The following RUBCN variants were observed in gnomAD, a reference collection of about 807,000 sequenced individuals.
The protein encoded by RUBCN is rubicon autophagy regulator.
In RUBCN, 74 loss-of-function variants were observed where a neutral mutation model predicts 113.2. The ratio of observed to expected loss-of-function variants is 0.65; its 90% CI spans 0.54 to 0.79. The LOEUF (loss-of-function observed/expected upper bound fraction) is 0.79. RUBCN is among the 30% of genes least tolerant of loss of function. RUBCN has a pLI of 0.00. For missense variants in RUBCN, 1,109 were observed against 1,251.7 expected (o/e 0.89, Z 1.72); for synonymous variants, 480 against 490.0 (o/e 0.98, Z 0.27).
upstream of RUBCN, among the ~76,000 whole-genome samples, chr3:197,739,917 G>A (rs942402407): frequency 2.6e-5 from 4 of 152,180 alleles, no homozygotes; most frequent in African/African-American, 9.7e-5. Context: ...GCACACGCCT[G>A]TAATCCCAGC....
intron 8 of RUBCN, 80 bp downstream of exon 8, chr3:197,696,874 C>A (rs549763885): frequency 7.4e-6 from 6 of 810,452 alleles, no homozygotes; most frequent in Non-Finnish European, 1.1e-5. Context: ...TGAGATGAAC[C>A]CCAAAACTCA....
Position 197,674,877 on chromosome 3 carries a change from C to CTCGGTG in RUBCN, c.*140_*141insCACCGA. The CTCGGTG allele has an allele frequency of 1.5e-6, 1 of 647,232 alleles. No homozygotes were observed. Among genetic ancestry groups the CTCGGTG allele is most frequent in the Non-Finnish European group, 2.3e-6 (1 of 429,778 alleles). 40.1% of individuals were successfully genotyped at this position (647,232 alleles called of 1,614,324 possible). A position where few individuals can be genotyped will look rare whatever the true frequency, so the allele number is the denominator to read the frequency against. On this transcript the variant is annotated 3_prime_UTR_variant, in exon 20 of 20. Coordinates refer to ENST00000296343, the MANE Select transcript of RUBCN (RefSeq NM_014687.4). ...GACTGCACACAGACGTCAGACAAGT[C>CTCGGTG]AGTAAAAAAAAAAAAAAAGATGATG...
At chr3:197,676,504 G>A (rs1327424955) in intron 18 of RUBCN, 4 of 723,278 alleles carry the variant, frequency 5.5e-6, no homozygotes, top group Non-Finnish European at 5.5e-6. Context: ...GTAGAGATGG[G>A]GTTTCATCAT....
intron 2 of RUBCN, among the ~76,000 whole-genome samples, chr3:197,713,509 G>T (rs1725179910): frequency 6.6e-6 from 1 of 152,162 alleles, no homozygotes; most frequent in Non-Finnish European, 1.5e-5. Context: ...GACTGAGCAG[G>T]TCAATGCCAC....
upstream of RUBCN, among the ~76,000 whole-genome samples, chr3:197,739,398 GAA>G (rs67135851): frequency 7.0e-4 from 95 of 136,302 alleles, no homozygotes; most frequent in East Asian, 1.6e-3. Flanking sequence ...TCTGAAAAAA[GAA>G]AAAAAAAAAA....
intron 5 of RUBCN, 114 bp downstream of exon 5, chr3:197,703,433 TG>T: frequency 6.5e-5 from 11 of 168,262 alleles, no homozygotes; most frequent in East Asian, 3.0e-4. Context: ...AAAAAAAAAA[TG>T]CAAGCCTTTC....
intron 16 of RUBCN, among the ~76,000 whole-genome samples, chr3:197,678,871 AACTG>A (rs1720817575): frequency 3.9e-5 from 5 of 128,154 alleles, no homozygotes; most frequent in Admixed American, 1.5e-4. Flanking sequence ...CCTACGCTCT[AACTG>A]ACAACTGGCT....
Position 197,672,331 on chromosome 3 carries a change from T to G in RUBCN, c.*2687A>C, listed in dbSNP as rs530038039. 2 of 152,324 alleles carry G rather than the reference T, an allele frequency of 1.3e-5. No homozygotes were observed. The highest frequency in any genetic ancestry group is 2.9e-5 in the Non-Finnish European group (2 of 68,028). The allele number at this position is 152,324 out of a possible 1,614,324, so 9.4% of individuals were successfully genotyped here. ...TTCATTTAGAAGGAATTCTCTTCAG[T>G]GCATTCAAAGCTTCTCCCCGCAACA... is the stretch of plus-strand genomic sequence containing the variant. On this transcript the variant is annotated 3_prime_UTR_variant, in exon 20 of 20. Transcript: ENST00000296343.
chr3:197,724,936 T>C lies in RUBCN; in HGVS notation c.66-6806A>G, dbSNP rs192169580. 4.8e-3 allele frequency among the ~76,000 whole-genome samples: 734 copies of C among 152,160 alleles called. 7 individuals are homozygous for C. The highest frequency in any genetic ancestry group is 0.017 in the African/African-American group (698 of 41,506). ...GGCTCACGCCTGTAACCCCAGCACTTTGGGAGGCTGAGGCAGGTGCATTGC... is the reference window on the plus strand; with the variant it reads ...GGCTCACGCCTGTAACCCCAGCACTCTGGGAGGCTGAGGCAGGTGCATTGC... On this transcript the variant is annotated intron_variant, in intron 1 of 19. Coordinates refer to ENST00000296343, the MANE Select transcript of RUBCN (RefSeq NM_014687.4).
At chr3:197,714,328 G>A (rs894903260) in intron 2 of RUBCN, among the ~76,000 whole-genome samples, 16 of 152,106 alleles carry the variant, frequency 1.1e-4, no homozygotes, top group Non-Finnish European at 1.8e-4. Context: ...GCTTTTTGCT[G>A]TTTTGGGTTT....
At chr3:197,699,174 C>G (rs2108898275) in intron 7 of RUBCN, 2 of 1,541,662 alleles carry the variant, frequency 1.3e-6, no homozygotes, top group East Asian at 2.4e-5. Context: ...AGGTGGAGGA[C>G]CGATTCCCAA....
upstream of RUBCN, chr3:197,737,023 G>T (rs926145576): frequency 1.0e-5 from 10 of 986,532 alleles, no homozygotes; most frequent in Non-Finnish European, 8.9e-6. Flanking sequence ...TCCAACGGCA[G>T]GCCGCTCCCG....
chr3:197,731,182 G>C (rs1290405344), intron 1 of RUBCN, among the ~76,000 whole-genome samples: 1 of 151,750 alleles, frequency 6.6e-6, no homozygotes, highest in African/African-American at 2.4e-5. Flanking sequence ...TGAGATTAGG[G>C]AGTGGTGATG....
At chr3:197,717,402 C>G (rs539103292) in intron 2 of RUBCN, among the ~76,000 whole-genome samples, 1 of 147,992 alleles carries the variant, frequency 6.8e-6, no homozygotes, top group Non-Finnish European at 1.5e-5. Flanking sequence ...CAAGATCGCA[C>G]CACCGCACTC....
chr3:197,723,429 G>T lies in RUBCN; in HGVS notation c.66-5299C>A, dbSNP rs147558300. 5.1e-3 allele frequency among the ~76,000 whole-genome samples: 774 copies of T among 152,214 alleles called. 6 individuals are homozygous for T. The highest frequency in any genetic ancestry group is 0.017 in the South Asian group (83 of 4,820). Reference sequence around the variant, plus strand: ...TCAAACTCTTGACCTCAAGTGACCTGCCCACCTCAGCCTCCCAAAGTGCTG... The same window carrying T: ...TCAAACTCTTGACCTCAAGTGACCTTCCCACCTCAGCCTCCCAAAGTGCTG... On this transcript the variant is annotated intron_variant, in intron 1 of 19. Transcript: ENST00000296343.
intron 11 of RUBCN, among the ~76,000 whole-genome samples, chr3:197,687,327 G>C (rs1355698046): frequency 1.3e-5 from 2 of 152,250 alleles, no homozygotes; most frequent in African/African-American, 4.8e-5. Context: ...CCTTGACCTT[G>C]AATTGGATAT....
intron 1 of RUBCN, chr3:197,749,238 A>C: frequency 9.8e-7 from 1 of 1,024,692 alleles, no homozygotes; most frequent in Non-Finnish European, 1.2e-6. Context: ...GAATTAGAAG[A>C]AAATGCAGCT....
In RUBCN at chr3:197,736,827, G is replaced by T; in HGVS notation, c.-108C>A. 1.4e-6 allele frequency: 2 copies of T among 1,419,832 alleles called. No homozygotes were observed. The highest frequency in any genetic ancestry group is 1.5e-5 in the South Asian group (1 of 66,248). The allele number at this position is 1,419,832 out of a possible 1,614,324, so 88.0% of individuals were successfully genotyped here. On this transcript the variant is annotated 5_prime_UTR_variant, in exon 1 of 20. Transcript: ENST00000296343. ...CGGAGGAGGCACCTGCGGCCGGTGG[G>T]CTCCGGGTGATGCGCTACACCCGGG...
chr3:197,694,651 G>C, intron 9 of RUBCN, 66 bp from the exon 10 acceptor site: 2 of 1,403,896 alleles, frequency 1.4e-6, no homozygotes, highest in Non-Finnish European at 2.0e-6. Flanking sequence ...TCATTATAAT[G>C]TGGAAAAGGG....
Sources: gnomAD v4.1 joint callset for allele counts (sites outside exome capture counted in the v4.1 genomes callset) on GRCh38, gnomAD v4.1.1 for gene constraint, MANE v1.5 for transcripts, NCBI Gene and HGNC (gene_info 2026-07-23, HGNC 2026-07-21) for gene names.